ABLIM1: variants seen among roughly 807,000 people sequenced by gnomAD.
ABLIM1 encodes the protein actin-binding LIM protein 1.
Under a neutral mutation model 107.0 loss-of-function variants are expected in ABLIM1, and 40 were observed. The observed-to-expected ratio is 0.37, with a 90% CI of 0.29 to 0.49. The LOEUF (loss-of-function observed/expected upper bound fraction) is 0.49. ABLIM1 is among the 20% of genes least tolerant of loss of function. The probability of loss-of-function intolerance (pLI) is 0.97; values close to 1 mark genes in which losing one functional copy is unlikely to be tolerated. For synonymous variants in ABLIM1, 357 were observed against 357.3 expected (o/e 1.00, Z 0.01); for missense variants, 857 against 1,008.5 (o/e 0.85, Z 2.04).
At chr10:114,734,720 A>T (rs1432411145) in intron 1 of ABLIM1, among the ~76,000 whole-genome samples, 1 of 152,144 alleles carries the variant, frequency 6.6e-6, no homozygotes, top group Non-Finnish European at 1.5e-5. Flanking sequence ...ATAATTTTAC[A>T]TGGATTATTG....
intron 4 of ABLIM1, among the ~76,000 whole-genome samples, chr10:114,554,218 A>G (rs1465391762): frequency 6.6e-6 from 1 of 152,194 alleles, no homozygotes; most frequent in Non-Finnish European, 1.5e-5. Context: ...CCCCCTGTCC[A>G]AAACCCCAAA....
chr10:114,551,790 A>G (rs1170433362), intron 4 of ABLIM1, among the ~76,000 whole-genome samples: 2 of 152,164 alleles, frequency 1.3e-5, no homozygotes, highest in Non-Finnish European at 2.9e-5. Flanking sequence ...CTTTGTAAAC[A>G]TGGTACCATT....
At chr10:114,486,342 G>T (rs758348698) in intron 8 of ABLIM1, among the ~76,000 whole-genome samples, 2 of 152,090 alleles carry the variant, frequency 1.3e-5, no homozygotes, top group African/African-American at 2.4e-5. Context: ...AAGTTAAAAT[G>T]ATTATTAGAA....
intron 3 of ABLIM1, among the ~76,000 whole-genome samples, chr10:114,572,637 T>C (rs905292972): frequency 1.1e-4 from 17 of 152,284 alleles, no homozygotes; most frequent in African/African-American, 3.6e-4. Flanking sequence ...CATAGGCAGG[T>C]GCAGATGGCA....
chr10:114,654,918 C>G (rs2079429577), intron 1 of ABLIM1, among the ~76,000 whole-genome samples: 1 of 152,176 alleles, frequency 6.6e-6, no homozygotes, highest in Admixed American at 6.5e-5. Flanking sequence ...GCCTAGCAAG[C>G]AATCACTTCC....
chr10:114,721,887 C>T (rs938391624), intron 1 of ABLIM1, among the ~76,000 whole-genome samples: 4 of 151,962 alleles, frequency 2.6e-5, no homozygotes. Context: ...TTTTGGGCAC[C>T]AGTGGGATTC....
intron 1 of ABLIM1, among the ~76,000 whole-genome samples, chr10:114,756,185 T>A (rs76505969): frequency 0.015 from 2,306 of 152,230 alleles, 45 homozygotes; most frequent in African/African-American, 0.052. Flanking sequence ...TTACTGGGGA[T>A]CTTTCTTCTC....
At chr10:114,794,053 C>G in the ABLIM1 span, among the ~76,000 whole-genome samples, 1 of 152,144 alleles carries the variant, frequency 6.6e-6, no homozygotes, top group African/African-American at 2.4e-5. Context: ...GCAGTCTGGC[C>G]GCTGCTTCTC....
intron 1 of ABLIM1, among the ~76,000 whole-genome samples, chr10:114,634,022 C>T (rs896945504): frequency 6.6e-6 from 1 of 151,684 alleles, no homozygotes; most frequent in Non-Finnish European, 1.5e-5. Flanking sequence ...TCCTCCTCAC[C>T]CCTTCCTTGC....
intron 1 of ABLIM1, among the ~76,000 whole-genome samples, chr10:114,636,699 G>A (rs1276827275): frequency 2.0e-5 from 3 of 152,300 alleles, no homozygotes; most frequent in African/African-American, 7.2e-5. Context: ...TAAGCTCTCT[G>A]AAGGCAAGGA....
chr10:114,799,439 A>G, the ABLIM1 span, among the ~76,000 whole-genome samples: 10 of 152,128 alleles, frequency 6.6e-5, no homozygotes, highest in African/African-American at 2.2e-4. Flanking sequence ...CTCCATCTGG[A>G]TATCTAATAG....
chr10:114,662,486 A>G (rs988889455), upstream of ABLIM1, among the ~76,000 whole-genome samples: 4 of 152,072 alleles, frequency 2.6e-5, no homozygotes, highest in Non-Finnish European at 5.9e-5. Flanking sequence ...GTCCTTCTGC[A>G]TGGTCAGCCC....
chr10:114,497,851 C>T (rs145858064), intron 6 of ABLIM1, among the ~76,000 whole-genome samples: 2 of 152,216 alleles, frequency 1.3e-5, no homozygotes, highest in African/African-American at 4.8e-5. Flanking sequence ...ATTTGAAGTG[C>T]AAAAAATTGT....
At chr10:114,757,323 G>C (rs1026152719) in intron 1 of ABLIM1, among the ~76,000 whole-genome samples, 2 of 152,138 alleles carry the variant, frequency 1.3e-5, no homozygotes, top group Non-Finnish European at 2.9e-5. Flanking sequence ...GCTAGATGAT[G>C]ATCTCAGGCA....
chr10:114,453,115 AAAAAC>A lies in ABLIM1; in HGVS notation c.1546+259_1546+263del, dbSNP rs997252135. On this transcript the variant is annotated intron_variant, in intron 13 of 22. Coordinates refer to ENST00000533213, the MANE Select transcript of ABLIM1 (RefSeq NM_002313.7). ...AAAAGGTACAATTAAAATTTTAGTA[AAAAAC>A]AAAACAAAACAACCCAACTGCTTTT... is the stretch of plus-strand genomic sequence containing the variant. 5.9e-5 allele frequency among the ~76,000 whole-genome samples: 9 copies of A among 152,234 alleles called. No individual in the cohort carries two copies. In the South Asian group the frequency reaches 6.2e-4, roughly 11 times the overall value.
At chr10:114,490,759 T>G (rs1449239630) in intron 7 of ABLIM1, among the ~76,000 whole-genome samples, 1 of 151,460 alleles carries the variant, frequency 6.6e-6, no homozygotes, top group Non-Finnish European at 1.5e-5. Flanking sequence ...ATAATCAGTT[T>G]CATAAAAACT....
intron 1 of ABLIM1, among the ~76,000 whole-genome samples, chr10:114,761,266 C>CAAAAAAAAA (rs60010820): frequency 6.8e-6 from 1 of 146,118 alleles, no homozygotes; most frequent in Non-Finnish European, 1.5e-5. Context: ...AAGAAATCGG[C>CAAAAAAAAA]AAAAAAAAAA....
chr10:114,589,427 G>A (rs2139550747), intron 2 of ABLIM1, among the ~76,000 whole-genome samples: 1 of 151,974 alleles, frequency 6.6e-6, no homozygotes, highest in Admixed American at 6.5e-5. Flanking sequence ...TACTTGGGAG[G>A]CTGAAGTATG....
At chr10:114,487,259 C>T (rs1366701211) in intron 8 of ABLIM1, among the ~76,000 whole-genome samples, 3 of 152,148 alleles carry the variant, frequency 2.0e-5, no homozygotes, top group Non-Finnish European at 4.4e-5. Context: ...CCATGGGTAC[C>T]ACTAAGTTAG....
Sources: gnomAD v4.1 joint callset for allele counts (sites outside exome capture counted in the v4.1 genomes callset) on GRCh38, gnomAD v4.1.1 for gene constraint, MANE v1.5 for transcripts, NCBI Gene and HGNC (gene_info 2026-07-23, HGNC 2026-07-21) for gene names.